Variants in SLC22A23 observed in about 807,000 individuals in gnomAD.
SLC22A23 encodes solute carrier family 22 member 23.
A neutral mutation model predicts 61.0 loss-of-function variants in SLC22A23; 26 were observed. The ratio of observed to expected loss-of-function variants is 0.43; its 90% CI spans 0.31 to 0.59. SLC22A23 has a LOEUF of 0.59. SLC22A23 is among the 20% of genes least tolerant of loss of function. The pLI is 0.11. For missense variants in SLC22A23, 796 were observed against 934.7 expected, an observed-to-expected ratio of 0.85 and a Z score of 1.94; for synonymous variants, 430 against 413.9, an observed-to-expected ratio of 1.04 and a Z score of -0.47.
rs888130952 is a variant in SLC22A23, at chr6:3,270,970, C to T, written c.*2085G>A. On this transcript the variant is annotated 3_prime_UTR_variant, in exon 10 of 10. Transcript: ENST00000406686. Reference sequence around the variant, plus strand: ...TGAGGGTGATGGGTGCAGACGTACACCTGTCCAGGTGCAGGCTCAGGGGCC... The same window carrying T: ...TGAGGGTGATGGGTGCAGACGTACATCTGTCCAGGTGCAGGCTCAGGGGCC... 1 of 152,622 alleles carries T rather than the reference C, an allele frequency of 6.6e-6. No individual in the cohort carries two copies. The highest frequency in any genetic ancestry group is 2.4e-5 in the African/African-American group (1 of 41,454). 9.5% of individuals were successfully genotyped at this position (152,622 alleles called of 1,614,324 possible).
chr6:3,300,991 T>TC (rs1561881106), intron 4 of SLC22A23, among the ~76,000 whole-genome samples: 1 of 151,658 alleles, frequency 6.6e-6, no homozygotes, highest in Non-Finnish European at 1.5e-5. Context: ...AGGCACTGAT[T>TC]TTTTTTAAAT....
intron 3 of SLC22A23, among the ~76,000 whole-genome samples, chr6:3,398,793 G>C (rs1231209105): frequency 6.6e-6 from 1 of 152,012 alleles, no homozygotes; most frequent in African/African-American, 2.4e-5. Context: ...ACTTTGGGAG[G>C]CCGAGATGGG....
rs1297178603 is a variant in SLC22A23 at position 3,298,295 on chromosome 6, C to T, written c.1083-77G>A. 41 of 1,498,582 alleles carry T rather than the reference C, an allele frequency of 2.7e-5. No homozygotes were observed. In the Middle Eastern group the frequency reaches 5.6e-4, roughly 20 times the overall value. The allele number at this position is 1,498,582 out of a possible 1,614,324, so 92.8% of individuals were successfully genotyped here. A position where few individuals can be genotyped will look rare whatever the true frequency, so the allele number is the denominator to read the frequency against. On this transcript the variant is annotated intron_variant, in intron 4 of 9. Coordinates refer to ENST00000406686, the MANE Select transcript of SLC22A23 (RefSeq NM_015482.2). ...CGGGAAGTGTGGCTTAGGTGTGGCC[C>T]GGGAGCTTCCCAGGCAGGTGGCGGT...
chr6:3,272,999 G>T lies in SLC22A23; in HGVS notation c.*56C>A. 1 of 1,462,664 alleles carries T rather than the reference G, an allele frequency of 6.8e-7. No individual in the cohort carries two copies. The highest frequency in any genetic ancestry group is 9.1e-7 in the Non-Finnish European group (1 of 1,098,956). The allele number at this position is 1,462,664 out of a possible 1,614,324, so 90.6% of individuals were successfully genotyped here. ...TGGCTGCGTGTTCGGTCCCTGGTCT[G>T]TAAACCTGTGCCCAAGCTGCCCCAG... is the stretch of plus-strand genomic sequence containing the variant. On this transcript the variant is annotated 3_prime_UTR_variant, in exon 10 of 10. Transcript: ENST00000406686.
intron 2 of SLC22A23, among the ~76,000 whole-genome samples, chr6:3,415,067 C>T (rs1408952153): frequency 1.3e-5 from 2 of 152,198 alleles, no homozygotes; most frequent in East Asian, 1.9e-4. Context: ...ATCTCCTATT[C>T]GGGGTGTTGT....
At chr6:3,437,338 C>T (rs1771281995) in intron 1 of SLC22A23, among the ~76,000 whole-genome samples, 1 of 152,078 alleles carries the variant, frequency 6.6e-6, no homozygotes, top group African/African-American at 2.4e-5. Flanking sequence ...CAAGTTGTTT[C>T]TTATGGGACT....
rs964527512 is a variant in SLC22A23 at position 3,387,898 on chromosome 6, C to T, written c.913+22290G>A. ...GCAGCGAGGATGTCCTGGCAGCCCACGACAGTCTGTGCCACGGCATCTCCT... is the reference window on the plus strand; with the variant it reads ...GCAGCGAGGATGTCCTGGCAGCCCATGACAGTCTGTGCCACGGCATCTCCT... On this transcript the variant is annotated intron_variant, in intron 3 of 9. Coordinates refer to ENST00000406686, the MANE Select transcript of SLC22A23 (RefSeq NM_015482.2). The surrounding 1 kb of genome is among the most constrained non-coding windows in gnomAD (Gnocchi z 5.0). Among the ~76,000 whole-genome samples the T allele has an allele frequency of 2.0e-5, 3 of 152,200 alleles. No homozygotes were observed. Among genetic ancestry groups the T allele is most frequent in the African/African-American group, 7.2e-5 (3 of 41,454 alleles).
intron 3 of SLC22A23, among the ~76,000 whole-genome samples, chr6:3,337,410 C>CTGCACAACA (rs745923316): frequency 9.9e-5 from 15 of 150,960 alleles, no homozygotes; most frequent in Admixed American, 5.3e-4. Flanking sequence ...CTTTTATCAT[C>CTGCACAACA]TGCACAACAA....
intron 3 of SLC22A23, among the ~76,000 whole-genome samples, chr6:3,395,135 ATG>A (rs1767923183): frequency 6.6e-6 from 1 of 152,210 alleles, no homozygotes; most frequent in African/African-American, 2.4e-5. Flanking sequence ...GTATGCTCTC[ATG>A]TCAGTGAAAA....
chr6:3,276,468 A>G (rs751195648), intron 9 of SLC22A23, among the ~76,000 whole-genome samples: 27 of 152,170 alleles, frequency 1.8e-4, no homozygotes, highest in South Asian at 2.1e-4. Context: ...TTTTCCTAGA[A>G]CACAGAGCTA....
At chr6:3,449,130 T>C (rs950165185) in intron 1 of SLC22A23, among the ~76,000 whole-genome samples, 1 of 152,230 alleles carries the variant, frequency 6.6e-6, no homozygotes, top group Admixed American at 6.5e-5. Flanking sequence ...TTATATCCTC[T>C]GACCTTTCTA....
intron 3 of SLC22A23, among the ~76,000 whole-genome samples, chr6:3,385,553 G>T (rs2127479594): frequency 6.6e-6 from 1 of 152,254 alleles, no homozygotes; most frequent in South Asian, 2.1e-4. Flanking sequence ...TAAATTTTAT[G>T]GTATGTGTAT....
intron 4 of SLC22A23, among the ~76,000 whole-genome samples, chr6:3,305,463 C>T (rs1030165639): frequency 6.6e-6 from 1 of 152,194 alleles, no homozygotes; most frequent in South Asian, 2.1e-4. Context: ...TGACGCGCTC[C>T]GTGAATTTAA....
chr6:3,376,689 A>G (rs11242852), intron 3 of SLC22A23, among the ~76,000 whole-genome samples: 7,529 of 152,312 alleles, frequency 0.049, 222 homozygotes, highest in East Asian at 0.15. Context: ...AGTTCACTGT[A>G]TTAGGTCATT....
At chr6:3,350,423 T>C (rs1764697030) in intron 3 of SLC22A23, among the ~76,000 whole-genome samples, 1 of 152,228 alleles carries the variant, frequency 6.6e-6, no homozygotes, top group Non-Finnish European at 1.5e-5. Flanking sequence ...TAATATCTCT[T>C]GTGTGAAGTT....
chr6:3,279,281 G>A (rs888537868), intron 9 of SLC22A23, among the ~76,000 whole-genome samples: 1 of 151,816 alleles, frequency 6.6e-6, no homozygotes, highest in African/African-American at 2.4e-5. Flanking sequence ...GGGAGGCCGA[G>A]ATGGGCAGAT....
intron 9 of SLC22A23, among the ~76,000 whole-genome samples, chr6:3,277,344 A>G (rs1759003489): frequency 6.6e-6 from 1 of 151,874 alleles, no homozygotes; most frequent in African/African-American, 2.4e-5. Flanking sequence ...TGCCTCCTCA[A>G]GCTGCTTCAC....
intron 3 of SLC22A23, among the ~76,000 whole-genome samples, chr6:3,403,257 A>T (rs1768556759): frequency 6.6e-6 from 1 of 151,964 alleles, no homozygotes; most frequent in Non-Finnish European, 1.5e-5. Flanking sequence ...AACAAAACAA[A>T]GTCAGCCCAG....
intron 1 of SLC22A23, among the ~76,000 whole-genome samples, chr6:3,423,970 C>T (rs9503585): frequency 0.97 from 147,060 of 152,268 alleles, 71,138 homozygotes; most frequent in East Asian, 1. Context: ...TGAAGGAAAG[C>T]CATCTTCCAC....
Sources: allele counts gnomAD v4.1 joint callset (sites outside exome capture counted in the v4.1 genomes callset), GRCh38; gene constraint gnomAD v4.1.1; non-coding constraint Gnocchi (gnomAD v3.1); transcripts MANE v1.5; gene names NCBI Gene and HGNC (gene_info 2026-07-23, HGNC 2026-07-21).